Variants in CDKN2B-AS1 observed in about 807,000 individuals in gnomAD.
CDKN2B-AS1 encodes the protein CDKN2B and CDKN2A antisense cis and trans regulatory RNA 1.
chr9:22,018,980 G>A (rs545350176), intron 1 of CDKN2B-AS1, among the ~76,000 whole-genome samples: 5 of 152,304 alleles, frequency 3.3e-5, no homozygotes, highest in Non-Finnish European at 7.3e-5. Flanking sequence ...GAGGTCTGCA[G>A]TATTATAGAA....
intron 1 of CDKN2B-AS1, among the ~76,000 whole-genome samples, chr9:22,031,844 CA>C (rs1822485493): frequency 6.6e-6 from 1 of 152,184 alleles, no homozygotes; most frequent in African/African-American, 2.4e-5. Flanking sequence ...TCCGTCTTGC[CA>C]GAGTACTTCC....
chr9:22,053,173 G>A (rs1311718365), intron 3 of CDKN2B-AS1, among the ~76,000 whole-genome samples: 3 of 152,138 alleles, frequency 2.0e-5, no homozygotes, highest in African/African-American at 7.2e-5. Context: ...CAACCAGTTT[G>A]GATTATCACA....
At chr9:22,008,172 G>A (rs1053709438) in intron 1 of CDKN2B-AS1, among the ~76,000 whole-genome samples, 20 of 152,202 alleles carry the variant, frequency 1.3e-4, no homozygotes, top group African/African-American at 4.6e-4. Flanking sequence ...AACAGTTGCT[G>A]CAGGAATATT....
chr9:22,019,483 G>A (rs1267618387), intron 1 of CDKN2B-AS1, among the ~76,000 whole-genome samples: 2 of 152,142 alleles, frequency 1.3e-5, no homozygotes, highest in East Asian at 3.9e-4. Flanking sequence ...AAGGGAAGGT[G>A]TTAGGCAGGT....
At chr9:22,116,293 G>A (rs1243978976) in intron 4 of CDKN2B-AS1, among the ~76,000 whole-genome samples, 2 of 152,152 alleles carry the variant, frequency 1.3e-5, no homozygotes, top group African/African-American at 4.8e-5. Flanking sequence ...ATGGAGATGA[G>A]CCAGGGTTTA....
chr9:22,111,406 G>T (rs1387415076), intron 4 of CDKN2B-AS1, among the ~76,000 whole-genome samples: 2 of 152,108 alleles, frequency 1.3e-5, no homozygotes, highest in East Asian at 1.9e-4. Flanking sequence ...ATTCAACAAA[G>T]CTCAGTCTGA....
At chr9:22,027,281 GT>G (rs1822279609) in intron 1 of CDKN2B-AS1, among the ~76,000 whole-genome samples, 1 of 151,468 alleles carries the variant, frequency 6.6e-6, no homozygotes, top group African/African-American at 2.4e-5. Context: ...TTGTTAAGCT[GT>G]TTTATTTTAA....
chr9:22,125,405 T>C (rs1817999988), intron 4 of CDKN2B-AS1, among the ~76,000 whole-genome samples: 1 of 152,260 alleles, frequency 6.6e-6, no homozygotes, highest in South Asian at 2.1e-4. Context: ...TGCTTCATAT[T>C]CCAACTTGTG....
chr9:22,127,521 C>T (rs557701592), exon 5 of CDKN2B-AS1, among the ~76,000 whole-genome samples: 16 of 152,206 alleles, frequency 1.1e-4, no homozygotes, highest in African/African-American at 3.1e-4. Context: ...AGAGCTTTAA[C>T]GAGGAAAAGA....
intron 1 of CDKN2B-AS1, among the ~76,000 whole-genome samples, chr9:22,032,418 A>G (rs1368299440): frequency 6.6e-6 from 1 of 152,116 alleles, no homozygotes; most frequent in Non-Finnish European, 1.5e-5. Context: ...ACACAAAAGC[A>G]ATGTCTGTAT....
chr9:22,032,087 T>C (rs1022346563), intron 1 of CDKN2B-AS1, among the ~76,000 whole-genome samples: 1 of 152,222 alleles, frequency 6.6e-6, no homozygotes, highest in Admixed American at 6.5e-5. Flanking sequence ...ATTGCAGTCT[T>C]GTGAGAGATT....
chr9:22,097,546 A>C (rs1472936432), intron 4 of CDKN2B-AS1, among the ~76,000 whole-genome samples: 1 of 152,238 alleles, frequency 6.6e-6, no homozygotes, highest in East Asian at 1.9e-4. Context: ...TACAAGGCCC[A>C]CATCACCTCC....
chr9:22,021,598 C>A (rs1040692221), intron 1 of CDKN2B-AS1, among the ~76,000 whole-genome samples: 1 of 152,092 alleles, frequency 6.6e-6, no homozygotes, highest in Non-Finnish European at 1.5e-5. Context: ...TCTCTGATTT[C>A]CTTGAGCAGT....
intron 3 of CDKN2B-AS1, among the ~76,000 whole-genome samples, chr9:22,055,049 A>G (rs2383204): frequency 0.58 from 88,898 of 152,096 alleles, 26,909 homozygotes; most frequent in African/African-American, 0.7. Flanking sequence ...CACCACGCCC[A>G]GCCTGCCTGA....
In CDKN2B-AS1 at chr9:22,039,831, T is replaced by C. The variant is rs1822829669; in HGVS notation, n.30-6920T>C. On this transcript the variant is annotated intron_variant and non_coding_transcript_variant, in intron 1 of 4. Coordinates refer to ENST00000650946, the Ensembl canonical transcript of CDKN2B-AS1. The surrounding 1 kb of genome is among the most constrained non-coding windows in gnomAD (Gnocchi z 4.4). ...ACTATGCTGAAGTCCTAACTCCTAG[T>C]GCTTCAGAATGTGACCTTATTTGGA... 6.6e-6 allele frequency among the ~76,000 whole-genome samples: 1 copy of C among 151,960 alleles called. No homozygotes were observed.
upstream of CDKN2B-AS1, chr9:21,994,939 T>TA: frequency 6.6e-6 from 1 of 152,518 alleles, no homozygotes; most frequent in South Asian, 2.1e-4. Context: ...CTAGATTATT[T>TA]AAAAATGAAA....
At chr9:22,067,194 C>T (rs1824078877) in intron 4 of CDKN2B-AS1, among the ~76,000 whole-genome samples, 1 of 151,926 alleles carries the variant, frequency 6.6e-6, no homozygotes, top group South Asian at 2.1e-4. Context: ...GCACATGTAC[C>T]CTAGAACTTA....
intron 1 of CDKN2B-AS1, among the ~76,000 whole-genome samples, chr9:22,012,947 G>T (rs1323032921): frequency 2.0e-5 from 3 of 152,172 alleles, no homozygotes; most frequent in African/African-American, 4.8e-5. Context: ...GTATTAGTTT[G>T]CTAGGGCTGC....
At chr9:22,022,370 A>AT (rs1822052294) in intron 1 of CDKN2B-AS1, among the ~76,000 whole-genome samples, 2 of 149,380 alleles carry the variant, frequency 1.3e-5, no homozygotes, top group African/African-American at 2.5e-5. Context: ...GGATAGTTAG[A>AT]TTTTCTCGTT....
Sources: gnomAD v4.1 joint callset for allele counts (sites outside exome capture counted in the v4.1 genomes callset) on GRCh38, gnomAD v4.1.1 for gene constraint, Gnocchi (gnomAD v3.1) non-coding constraint, MANE v1.5 for transcripts, NCBI Gene and HGNC (gene_info 2026-07-23, HGNC 2026-07-21) for gene names.